Variants in PLG observed in about 807,000 individuals in gnomAD.
PLG encodes plasmin.
In PLG, 41 loss-of-function variants were observed where a neutral mutation model predicts 104.4. The observed-to-expected ratio is 0.39, with a 90% CI of 0.31 to 0.51. The LOEUF (loss-of-function observed/expected upper bound fraction) is 0.51, where lower values mean the gene tolerates loss of function less well. PLG is among the 20% of genes least tolerant of loss of function. PLG has a pLI of 0.76. For synonymous variants in PLG, 337 were observed against 357.1 expected, an observed-to-expected ratio of 0.94 and a Z score of 0.63; for missense variants, 891 against 1,003.6, an observed-to-expected ratio of 0.89 and a Z score of 1.52.
intron 17 of PLG, among the ~76,000 whole-genome samples, chr6:160,743,031 A>G (rs926005725): frequency 2.3e-4 from 26 of 112,790 alleles, no homozygotes; most frequent in African/African-American, 8.8e-4. Flanking sequence ...TTTTTTTTTT[A>G]CCAGTACCAT....
rs1313620409 is a variant in PLG at position 160,723,073 on chromosome 6, T to C, written c.1256+506T>C. On this transcript the variant is annotated intron_variant, in intron 10 of 18. Coordinates refer to ENST00000308192, the MANE Select transcript of PLG (RefSeq NM_000301.5). The surrounding 1 kb of genome is among the most constrained non-coding windows in gnomAD (Gnocchi z 4.7). ...TATAAATACACACATATATGAGATA[T>C]ACAAGTATACATATATAGTGTGTAT... 6.6e-6 allele frequency among the ~76,000 whole-genome samples: 1 copy of C among 151,392 alleles called. No homozygotes were observed. Among genetic ancestry groups the C allele is most frequent in the Non-Finnish European group, 1.5e-5 (1 of 67,914 alleles).
chr6:160,702,535 G>T (rs1408693072), intron 1 of PLG, among the ~76,000 whole-genome samples, 182 bp downstream of exon 1: 2 of 152,176 alleles, frequency 1.3e-5, no homozygotes, highest in Non-Finnish European at 2.9e-5. Flanking sequence ...TGTGAAGATT[G>T]TCAGGGTGCT....
chr6:160,731,247 G>A lies in PLG; in HGVS notation c.1438+15G>A, dbSNP rs1485898720. The A allele has an allele frequency of 6.2e-7, 1 of 1,607,022 alleles. No individual in the cohort carries two copies. The highest frequency in any genetic ancestry group is 2.2e-5 in the East Asian group (1 of 44,778). On this transcript the variant is annotated intron_variant, in intron 11 of 18. Coordinates refer to ENST00000308192, the MANE Select transcript of PLG (RefSeq NM_000301.5). This position sits in a 1 kb window ranked among gnomAD's most constrained non-coding sequence, Gnocchi z 5.1. ...TTCCGAAGAAGGTAAGAAATCTGTG[G>A]CTGGACATCTACACACTTGGACGCT...
rs1420478805 is a variant in PLG, at chr6:160,739,400, C to A, written c.2018+192C>A. ...ATGCTAGCTGTGCTCTTGAGAAAGG[C>A]AGCAGGACTCCGTTTTCTCATGTGG... On this transcript the variant is annotated intron_variant, in intron 16 of 18. Coordinates refer to ENST00000308192, the MANE Select transcript of PLG (RefSeq NM_000301.5). This position sits in a 1 kb window ranked among gnomAD's most constrained non-coding sequence, Gnocchi z 4.4. 6.6e-6 allele frequency among the ~76,000 whole-genome samples: 1 copy of A among 152,084 alleles called. No individual in the cohort carries two copies. Among genetic ancestry groups the A allele is most frequent in the Non-Finnish European group, 1.5e-5 (1 of 68,016 alleles).
At chr6:160,718,897 C>T in intron 9 of PLG, 59 bp downstream of exon 9, 1 of 1,406,816 alleles carries the variant, frequency 7.1e-7, no homozygotes. Context: ...TTTTGTATAC[C>T]AGTGGCATCA....
chr6:160,716,038 T>C (rs538170332), intron 6 of PLG, among the ~76,000 whole-genome samples: 3 of 152,244 alleles, frequency 2.0e-5, no homozygotes, highest in Non-Finnish European at 4.4e-5. Flanking sequence ...CAGCTTCTCC[T>C]CTTGGTTTTT....
At chr6:160,722,629 C>A in intron 10 of PLG, 62 bp downstream of exon 10, 1 of 1,485,506 alleles carries the variant, frequency 6.7e-7, no homozygotes, top group Non-Finnish European at 9.4e-7. Context: ...GTTAAAAGAG[C>A]CATGCTTCAT....
intron 6 of PLG, 75 bp downstream of exon 6, chr6:160,714,989 G>T (rs929565832): frequency 6.8e-7 from 1 of 1,472,390 alleles, no homozygotes; most frequent in African/African-American, 1.4e-5. Context: ...CTGTCATTTA[G>T]ATATTTTAGC....
At chr6:160,710,649 G>A (rs148189369) in intron 3 of PLG, among the ~76,000 whole-genome samples, 2 of 152,156 alleles carry the variant, frequency 1.3e-5, no homozygotes, top group South Asian at 2.1e-4. Context: ...TGAAAAGCCT[G>A]CCATTCCCCC....
intron 10 of PLG, among the ~76,000 whole-genome samples, chr6:160,729,219 G>T (rs9458017): frequency 0.23 from 35,221 of 152,112 alleles, 4,490 homozygotes; most frequent in Non-Finnish European, 0.29. Flanking sequence ...AACACTTAAT[G>T]GGCATGGGTA....
intron 1 of PLG, chr6:160,705,324 G>A (rs1161460960): frequency 6.7e-6 from 1 of 150,062 alleles, no homozygotes. Context: ...GCACAGCTGA[G>A]GCCCCCTTGG....
intron 17 of PLG, among the ~76,000 whole-genome samples, chr6:160,748,397 A>G (rs149290836): frequency 1.9e-5 from 1 of 53,866 alleles, no homozygotes. Context: ...AGAAAGAAAG[A>G]AAGGAAGAAA....
intron 5 of PLG, 192 bp downstream of exon 5, chr6:160,713,317 C>T (rs1388597549): frequency 1.7e-6 from 1 of 574,690 alleles, no homozygotes; most frequent in Non-Finnish European, 3.2e-6. Flanking sequence ...GTTGCCCAGG[C>T]TAGAGTGCAA....
At chr6:160,727,331 G>A (rs1305541417) in intron 10 of PLG, among the ~76,000 whole-genome samples, 1 of 150,562 alleles carries the variant, frequency 6.6e-6, no homozygotes, top group Non-Finnish European at 1.5e-5. Flanking sequence ...ACTTCCCACA[G>A]AGAACACTCT....
intron 9 of PLG, among the ~76,000 whole-genome samples, chr6:160,721,681 G>GAGAATACTTATCTCCCT (rs1221573706): frequency 1.3e-5 from 2 of 152,184 alleles, no homozygotes; most frequent in Non-Finnish European, 2.9e-5. Context: ...GTGGACGTAG[G>GAGAATACTTATCTCCCT]AGAATACTTA....
At chr6:160,746,963 T>C (rs532953946) in intron 17 of PLG, among the ~76,000 whole-genome samples, 1 of 152,376 alleles carries the variant, frequency 6.6e-6, no homozygotes, top group South Asian at 2.1e-4. Flanking sequence ...AGTCTCTTAA[T>C]CCATAATTTC....
rs1379667480 is a variant in PLG, at chr6:160,744,138, T to C, written c.2125+2721T>C. Among the ~76,000 whole-genome samples the C allele has an allele frequency of 6.6e-6, 1 of 152,220 alleles. No individual in the cohort carries two copies. Among genetic ancestry groups the C allele is most frequent in the Non-Finnish European group, 1.5e-5 (1 of 68,032 alleles). ...AAGTTTTTTGTTGTTTTTGTGTCTC[T>C]GCCAGGTTTTGGTATCAGGATGATG... On this transcript the variant is annotated intron_variant, in intron 17 of 18. Transcript: ENST00000308192. This position sits in a 1 kb window ranked among gnomAD's most constrained non-coding sequence, Gnocchi z 4.5.
intron 12 of PLG, among the ~76,000 whole-genome samples, 195 bp from the exon 13 acceptor site, chr6:160,733,800 T>C (rs907800746): frequency 2.9e-4 from 38 of 132,864 alleles, no homozygotes; most frequent in Non-Finnish European, 5.1e-4. Flanking sequence ...GCTGAGATCA[T>C]GCCACTGCAC....
At position 160,740,737 on chromosome 6, in the gene PLG, C is replaced by T. The variant is rs1330376921; in HGVS notation, c.2019-574C>T. 6.6e-6 allele frequency among the ~76,000 whole-genome samples: 1 copy of T among 152,198 alleles called. No homozygotes were observed. The highest frequency in any genetic ancestry group is 2.4e-5 in the African/African-American group (1 of 41,442). ...TGGGACTCTAAAGTATATGAATGTT[C>T]TTTGAAAACAAATACCATTTTGTTC... is the stretch of plus-strand genomic sequence containing the variant. On this transcript the variant is annotated intron_variant, in intron 16 of 18. Coordinates refer to ENST00000308192, the MANE Select transcript of PLG (RefSeq NM_000301.5). The surrounding 1 kb of genome is among the most constrained non-coding windows in gnomAD (Gnocchi z 5.2).
Sources: gnomAD v4.1 joint callset for allele counts (sites outside exome capture counted in the v4.1 genomes callset) on GRCh38, gnomAD v4.1.1 for gene constraint, Gnocchi (gnomAD v3.1) non-coding constraint, MANE v1.5 for transcripts, NCBI Gene and HGNC (gene_info 2026-07-23, HGNC 2026-07-21) for gene names.